MAML3: variants seen among roughly 807,000 people sequenced by gnomAD.
MAML3 encodes the protein mastermind-like protein 3.
MAML3 carries 27 observed loss-of-function variants against 101.9 expected under a neutral mutation model. The ratio of observed to expected loss-of-function variants is 0.27; its 90% CI spans 0.20 to 0.37. MAML3 has a LOEUF of 0.37. Ranked by LOEUF, MAML3 falls within the 10% of genes least tolerant of loss-of-function variation. The pLI is 1.00. For synonymous variants in MAML3, 501 were observed against 555.9 expected (o/e 0.90, Z 1.39); for missense variants, 1,316 against 1,444.9 (o/e 0.91, Z 1.45).
intron 1 of MAML3, among the ~76,000 whole-genome samples, chr4:140,035,117 C>T (rs1726963346): frequency 6.6e-6 from 1 of 152,048 alleles, no homozygotes; most frequent in South Asian, 2.1e-4. Flanking sequence ...TTACAGGTGC[C>T]TGCCACACCA....
intron 1 of MAML3, among the ~76,000 whole-genome samples, chr4:139,955,154 C>T (rs983585001): frequency 1.3e-5 from 2 of 151,880 alleles, no homozygotes; most frequent in African/African-American, 4.8e-5. Flanking sequence ...ACTCAGAGTC[C>T]CTGATTGCAA....
intron 2 of MAML3, among the ~76,000 whole-genome samples, chr4:139,793,558 A>G (rs1730459497): frequency 6.6e-6 from 1 of 152,146 alleles, no homozygotes. Flanking sequence ...TAAAATCCTA[A>G]ATACTAATTC....
At chr4:140,106,642 C>A (rs888441537) in intron 1 of MAML3, among the ~76,000 whole-genome samples, 1 of 152,194 alleles carries the variant, frequency 6.6e-6, no homozygotes, top group African/African-American at 2.4e-5. Context: ...CTGCTACACA[C>A]CAATACTCAA....
chr4:139,849,676 A>G (rs1021218183), intron 2 of MAML3, among the ~76,000 whole-genome samples: 1 of 152,248 alleles, frequency 6.6e-6, no homozygotes, highest in Admixed American at 6.5e-5. Flanking sequence ...CGTGATGGCA[A>G]CAGAACCCTG....
intron 2 of MAML3, among the ~76,000 whole-genome samples, chr4:139,738,275 G>A (rs1729023054): frequency 6.6e-6 from 1 of 152,228 alleles, no homozygotes; most frequent in Non-Finnish European, 1.5e-5. Context: ...CAGGCATGGT[G>A]GCTCACGCCT....
rs1041908186 is a variant in MAML3 at position 139,720,974 on chromosome 4, C to T, written c.2417-651G>A. Among the ~76,000 whole-genome samples, 12 of 152,306 alleles carry T rather than the reference C, an allele frequency of 7.9e-5. No homozygotes were observed. The Middle Eastern group carries it at 0.017, about 216-fold the overall frequency. On this transcript the variant is annotated intron_variant, in intron 4 of 4. Transcript: ENST00000509479. ...CTATTTTGACAGATAGGACATTTTT[C>T]GGATCCACTCTGTAGATTTCAACAT...
intron 1 of MAML3, among the ~76,000 whole-genome samples, chr4:140,151,554 C>T (rs532627373): frequency 6.6e-6 from 1 of 152,236 alleles, no homozygotes; most frequent in African/African-American, 2.4e-5. Context: ...AACCGCACGA[C>T]GGGAGGGCCG....
chr4:140,094,742 G>C (rs1445991021), intron 1 of MAML3, among the ~76,000 whole-genome samples: 1 of 152,204 alleles, frequency 6.6e-6, no homozygotes, highest in Non-Finnish European at 1.5e-5. Flanking sequence ...GCTTCAAGCT[G>C]AACAAACTAT....
intron 2 of MAML3, among the ~76,000 whole-genome samples, chr4:139,758,294 T>A (rs982192005): frequency 5.9e-5 from 9 of 152,186 alleles, no homozygotes; most frequent in Admixed American, 6.5e-5. Context: ...AAGGAAGGTA[T>A]GCCTTCCTAC....
intron 2 of MAML3, among the ~76,000 whole-genome samples, chr4:139,762,730 C>A (rs1329416596): frequency 1.3e-5 from 2 of 152,158 alleles, no homozygotes; most frequent in Non-Finnish European, 2.9e-5. Flanking sequence ...AAAACTTTAA[C>A]CCCCGTGAAC....
intron 1 of MAML3, among the ~76,000 whole-genome samples, chr4:139,947,915 A>C (rs1310018935): frequency 6.6e-6 from 1 of 152,058 alleles, no homozygotes; most frequent in Non-Finnish European, 1.5e-5. Context: ...CAGCCTGACC[A>C]ACATGGAGAA....
chr4:139,845,836 T>C (rs1337338629), intron 2 of MAML3, among the ~76,000 whole-genome samples: 3 of 152,232 alleles, frequency 2.0e-5, no homozygotes, highest in African/African-American at 4.8e-5. Flanking sequence ...TTCAAAATGA[T>C]TTTTATTTGC....
At chr4:139,815,696 A>G (rs1730880549) in intron 2 of MAML3, among the ~76,000 whole-genome samples, 1 of 152,168 alleles carries the variant, frequency 6.6e-6, no homozygotes, top group Non-Finnish European at 1.5e-5. Context: ...CTTTGTGTTT[A>G]GTATATACTT....
chr4:139,890,931 G>A lies in MAML3; in HGVS notation c.505C>T (p.Arg169Ter), dbSNP rs781343044. ...TGCTGGTCTCCATTAAGTGGTGATC[G>A]AGCTCCTTCCAACTTCCTTTTCACA... Reference protein sequence around the residue: ...ETVKRKLEGARSPLNGDQQNG... With the variant: ...ETVKRKLEGA Residue 169 changes from arginine to a stop codon, truncating the protein, a stop_gained, in exon 2 of 5, where the codon CGA becomes TGA. Coordinates refer to ENST00000509479, the MANE Select transcript of MAML3 (RefSeq NM_018717.5). LOFTEE classifies it high-confidence loss of function. The surrounding 1 kb of genome is among the most constrained non-coding windows in gnomAD (Gnocchi z 4.1). The A allele has an allele frequency of 1.9e-6, 3 of 1,613,092 alleles. No individual in the cohort carries two copies. Among genetic ancestry groups the A allele is most frequent in the Non-Finnish European group, 2.5e-6 (3 of 1,179,414 alleles).
At chr4:139,896,198 A>G (rs1415689355) in intron 1 of MAML3, among the ~76,000 whole-genome samples, 1 of 152,080 alleles carries the variant, frequency 6.6e-6, no homozygotes, top group Non-Finnish European at 1.5e-5. Context: ...CTCAGAGAAC[A>G]TGGGAATGCC....
intron 2 of MAML3, among the ~76,000 whole-genome samples, chr4:139,784,737 G>A (rs1730276365): frequency 6.6e-6 from 1 of 152,078 alleles, no homozygotes; most frequent in Admixed American, 6.5e-5. Flanking sequence ...CAGTTCTTTG[G>A]GCCTTTGCTA....
chr4:139,790,684 T>G (rs1730393479), intron 2 of MAML3, among the ~76,000 whole-genome samples: 1 of 152,222 alleles, frequency 6.6e-6, no homozygotes. Flanking sequence ...CTTAACATAA[T>G]GTCTTCAAGG....
chr4:139,719,540 T>C lies in MAML3; in HGVS notation c.3200A>G (p.Gln1067Arg). 6.2e-7 allele frequency: 1 copy of C among 1,613,908 alleles called. No homozygotes were observed. The highest frequency in any genetic ancestry group is 8.5e-7 in the Non-Finnish European group (1 of 1,179,828). The change falls in exon 5 of 5, where the codon CAG (glutamine) becomes CGG (arginine). Residue 1067 changes from glutamine to arginine, a missense_variant. Coordinates refer to ENST00000509479, the MANE Select transcript of MAML3 (RefSeq NM_018717.5). The stretch of plus-strand genomic sequence containing the variant: ...AAAGCTGCCACTGGGTATCTGCTGC[T>C]GTGCTGGGGGCTGGCTGAACGCTGG... ...GMPAFSQPPA[Q>R]QQIPSGSFAP...
At chr4:140,085,049 C>G (rs1028426987) in intron 1 of MAML3, among the ~76,000 whole-genome samples, 1 of 152,120 alleles carries the variant, frequency 6.6e-6, no homozygotes, top group African/African-American at 2.4e-5. Context: ...AATATCCCCT[C>G]TGATGCTTCT....
Sources: allele counts gnomAD v4.1 joint callset (sites outside exome capture counted in the v4.1 genomes callset), GRCh38; gene constraint gnomAD v4.1.1; non-coding constraint Gnocchi (gnomAD v3.1); transcripts MANE v1.5; gene names NCBI Gene and HGNC (gene_info 2026-07-23, HGNC 2026-07-21).